PRKG1: variants seen among roughly 807,000 people sequenced by gnomAD.
The protein encoded by PRKG1 is protein kinase cGMP-dependent 1.
Under a neutral mutation model 88.1 loss-of-function variants are expected in PRKG1, and 35 were observed. The observed-to-expected ratio is 0.40, with a 90% confidence interval of 0.30 to 0.53. The LOEUF (loss-of-function observed/expected upper bound fraction) is 0.53, where lower values mean the gene tolerates loss of function less well. Among genes scored for constraint, PRKG1 ranks in the 20% least tolerant of loss-of-function variants. PRKG1 has a pLI of 0.59. For missense variants in PRKG1, 540 were observed against 839.8 expected (o/e 0.64, Z 4.41); for synonymous variants, 303 against 292.5 (o/e 1.04, Z -0.37).
chr10:51,725,484 T>C (rs138569041), intron 3 of PRKG1, among the ~76,000 whole-genome samples: 15 of 152,264 alleles, frequency 9.9e-5, no homozygotes, highest in African/African-American at 2.9e-4. Context: ...TCCACCAAAT[T>C]TGTGGCCTGT....
At chr10:51,730,200 G>A (rs1842239588) in intron 3 of PRKG1, among the ~76,000 whole-genome samples, 1 of 152,130 alleles carries the variant, frequency 6.6e-6, no homozygotes, top group African/African-American at 2.4e-5. Context: ...CTGTTGCAAG[G>A]ATGTGCCCTC....
At chr10:52,217,968 C>G (rs891745063) in intron 9 of PRKG1, among the ~76,000 whole-genome samples, 4 of 152,128 alleles carry the variant, frequency 2.6e-5, no homozygotes, top group Middle Eastern at 3.2e-3. Flanking sequence ...AATCTCAGCA[C>G]TTTGGGAGGC....
intron 2 of PRKG1, among the ~76,000 whole-genome samples, chr10:51,177,405 A>T (rs1837223528): frequency 6.6e-6 from 1 of 152,220 alleles, no homozygotes; most frequent in Non-Finnish European, 1.5e-5. Flanking sequence ...CAATTTAATT[A>T]CTTTTTTTCT....
Position 51,249,334 on chromosome 10 carries a change from T to C in PRKG1, c.478+96004T>C, listed in dbSNP as rs531429759. Among the ~76,000 whole-genome samples, 3 of 152,004 alleles carry C rather than the reference T, an allele frequency of 2.0e-5. No individual in the cohort carries two copies. In the East Asian group the frequency reaches 5.8e-4, roughly 29 times the overall value. On this transcript the variant is annotated intron_variant, in intron 2 of 17. Coordinates refer to ENST00000373980, the MANE Select transcript of PRKG1 (RefSeq NM_006258.4). ...GAATTATCAACATTAGAAAATGCAC[T>C]GAATATTAACTTGAAAAGTTTTTGA...
At chr10:52,036,381 G>T (rs911390317) in intron 5 of PRKG1, among the ~76,000 whole-genome samples, 1 of 151,170 alleles carries the variant, frequency 6.6e-6, no homozygotes, top group African/African-American at 2.4e-5. Context: ...AACTTGTAAG[G>T]CTCGTCCGGT....
intron 5 of PRKG1, among the ~76,000 whole-genome samples, chr10:51,940,845 G>T: frequency 6.6e-6 from 1 of 151,650 alleles, no homozygotes; most frequent in African/African-American, 2.4e-5. Flanking sequence ...TCCTTTTGAG[G>T]GAAAATTCTC....
chr10:51,518,280 G>C (rs926607344), intron 3 of PRKG1, among the ~76,000 whole-genome samples: 47 of 152,318 alleles, frequency 3.1e-4, no homozygotes, highest in African/African-American at 1.0e-3. Flanking sequence ...TTACAGGTGT[G>C]AGCCACCATG....
rs117783179 is a variant in PRKG1, at chr10:50,994,603, A to G, written c.266+2959A>G. Among the ~76,000 whole-genome samples the G allele has an allele frequency of 3.3e-5, 5 of 152,088 alleles. No homozygotes were observed. The East Asian group carries it at 9.7e-4, about 29-fold the overall frequency. ...GAAGGGCATGCTGGGGCTGAAACAG[A>G]ATGCGTTATTGCAAAGCTTGTGTTC... is the stretch of plus-strand genomic sequence containing the variant. On this transcript the variant is annotated intron_variant, in intron 1 of 17. Transcript: ENST00000401604.
chr10:51,400,746 C>T (rs1178514141), intron 2 of PRKG1, among the ~76,000 whole-genome samples: 1 of 152,174 alleles, frequency 6.6e-6, no homozygotes, highest in Admixed American at 6.5e-5. Flanking sequence ...TTCATATTTT[C>T]CTAGCCCAGT....
At chr10:52,112,722 G>A (rs527396390) in intron 7 of PRKG1, among the ~76,000 whole-genome samples, 1 of 152,186 alleles carries the variant, frequency 6.6e-6, no homozygotes, top group Admixed American at 6.5e-5. Flanking sequence ...AACAGAATTT[G>A]ATTGGCCAGC....
chr10:51,756,798 G>A (rs1837878022), intron 3 of PRKG1, among the ~76,000 whole-genome samples: 1 of 151,170 alleles, frequency 6.6e-6, no homozygotes, highest in Non-Finnish European at 1.5e-5. Flanking sequence ...CTGGGTGACA[G>A]TGCGAAACTC....
intron 3 of PRKG1, among the ~76,000 whole-genome samples, chr10:51,706,830 A>G (rs1170856669): frequency 1.3e-5 from 2 of 152,048 alleles, no homozygotes; most frequent in Admixed American, 6.6e-5. Flanking sequence ...TGTCACCTGT[A>G]TTGGATTATT....
intron 2 of PRKG1, among the ~76,000 whole-genome samples, chr10:51,154,481 A>T (rs1012623515): frequency 9.2e-5 from 14 of 151,984 alleles, no homozygotes; most frequent in African/African-American, 3.4e-4. Flanking sequence ...TCTTTACACG[A>T]TTGGTATAAA....
At chr10:52,069,514 A>C (rs758558374) in intron 7 of PRKG1, among the ~76,000 whole-genome samples, 5 of 151,858 alleles carry the variant, frequency 3.3e-5, no homozygotes, top group African/African-American at 4.8e-5. Flanking sequence ...TGTGAGCCTG[A>C]GTGAGACTCC....
intron 3 of PRKG1, among the ~76,000 whole-genome samples, chr10:51,487,732 C>T (rs556450164): frequency 2.4e-4 from 36 of 152,220 alleles, no homozygotes; most frequent in South Asian, 1.2e-3. Flanking sequence ...CCCTGGACAA[C>T]GAAGCTCGTA....
intron 2 of PRKG1, among the ~76,000 whole-genome samples, chr10:51,181,608 T>C (rs1564629800): frequency 6.6e-6 from 1 of 152,196 alleles, no homozygotes; most frequent in Admixed American, 6.5e-5. Context: ...CAAAAAGCTG[T>C]TCTTAGAACA....
chr10:51,292,726 T>C (rs1840615419), intron 2 of PRKG1, among the ~76,000 whole-genome samples: 1 of 152,182 alleles, frequency 6.6e-6, no homozygotes, highest in Non-Finnish European at 1.5e-5. Context: ...CAAAATATTT[T>C]CCTTTTCTAG....
intron 5 of PRKG1, among the ~76,000 whole-genome samples, chr10:52,007,655 GA>G (rs1801158441): frequency 6.6e-6 from 1 of 152,056 alleles, no homozygotes; most frequent in African/African-American, 2.4e-5. Context: ...GAAGAGATGT[GA>G]ATTCCTGCAC....
intron 5 of PRKG1, among the ~76,000 whole-genome samples, chr10:51,941,776 C>T (rs1842914143): frequency 6.6e-6 from 1 of 151,900 alleles, no homozygotes; most frequent in Admixed American, 6.6e-5. Flanking sequence ...CTACAAAGGA[C>T]ATGAACTCAT....
Sources: allele counts gnomAD v4.1 joint callset (sites outside exome capture counted in the v4.1 genomes callset), GRCh38; gene constraint gnomAD v4.1.1; transcripts MANE v1.5; gene names NCBI Gene and HGNC (gene_info 2026-07-23, HGNC 2026-07-21).